The following DACH2 variants were observed in gnomAD, a reference collection of about 807,000 sequenced individuals.
DACH2 encodes the protein dachshund homolog 2.
A neutral mutation model predicts 35.8 loss-of-function variants in DACH2; 17 were observed. The ratio of observed to expected loss-of-function variants is 0.48; its 90% CI spans 0.33 to 0.71. The LOEUF (loss-of-function observed/expected upper bound fraction) is 0.71. Ranked by LOEUF, DACH2 falls within the 30% of genes least tolerant of loss-of-function variation. The pLI, the probability that DACH2 is intolerant of heterozygous loss-of-function variation, is 0.02. For synonymous variants in DACH2, 195 were observed against 177.3 expected (o/e 1.10, Z -0.79); for missense variants, 469 against 472.7 (o/e 0.99, Z 0.07).
intron 7 of DACH2, among the ~76,000 whole-genome samples, chrX:86,754,604 G>A (rs1243855683): frequency 9.0e-6 from 1 of 110,575 alleles, no homozygotes; most frequent in Non-Finnish European, 1.9e-5. Flanking sequence ...TCAGCTTCTG[G>A]TATCCATCAT....
At chrX:86,379,077 T>A (rs1190417766) in intron 2 of DACH2, among the ~76,000 whole-genome samples, 1 of 111,462 alleles carries the variant, frequency 9.0e-6, no homozygotes, top group Non-Finnish European at 1.9e-5. Flanking sequence ...GGTTTCTATT[T>A]AAAGTCCAAT....
At chrX:86,524,636 A>G (rs1473118827) in intron 3 of DACH2, among the ~76,000 whole-genome samples, 1 of 111,872 alleles carries the variant, frequency 8.9e-6, no homozygotes, top group African/African-American at 3.2e-5. Context: ...AGTTTCCCAA[A>G]CACAAATTTT....
intron 4 of DACH2, among the ~76,000 whole-genome samples, chrX:86,658,551 A>C (rs1274440357): frequency 9.0e-6 from 1 of 111,631 alleles, no homozygotes; most frequent in African/African-American, 3.2e-5. Flanking sequence ...TTCAGCATGA[A>C]TAACAACGTG....
intron 3 of DACH2, among the ~76,000 whole-genome samples, chrX:86,592,054 T>A: frequency 9.0e-6 from 1 of 111,338 alleles, no homozygotes; most frequent in Non-Finnish European, 1.9e-5. Flanking sequence ...TTTTTTTTAT[T>A]TTATCGATTG....
chrX:86,748,547 G>C lies in DACH2; in HGVS notation c.1240+8665G>C, dbSNP rs183034080. ...AGGAATCTTTTCTTTTTGAGCCATAGGTCTCAATAGTGGGCTTAAAATGTT... is the reference window on the plus strand; with the variant it reads ...AGGAATCTTTTCTTTTTGAGCCATACGTCTCAATAGTGGGCTTAAAATGTT... On this transcript the variant is annotated intron_variant, in intron 7 of 11. Transcript: ENST00000373125. 3.6e-5 allele frequency among the ~76,000 whole-genome samples: 4 copies of C among 111,748 alleles called. No individual in the cohort carries two copies. In the Admixed American group the frequency reaches 3.8e-4, roughly 11 times the overall value.
At chrX:86,753,061 C>A (rs2041791349) in intron 7 of DACH2, among the ~76,000 whole-genome samples, 1 of 41,707 alleles carries the variant, frequency 2.4e-5, no homozygotes, top group Non-Finnish European at 4.9e-5. Flanking sequence ...AAAGTACACA[C>A]ACACACACAC....
At chrX:86,157,239 T>G (rs1286894003) in intron 1 of DACH2, among the ~76,000 whole-genome samples, 1 of 111,751 alleles carries the variant, frequency 8.9e-6, no homozygotes, top group African/African-American at 3.2e-5. Context: ...TGGTGTGTAA[T>G]GTAGTGTGTA....
intron 1 of DACH2, among the ~76,000 whole-genome samples, chrX:86,285,275 A>G (rs2034121442): frequency 9.0e-6 from 1 of 111,397 alleles, no homozygotes; most frequent in Admixed American, 9.6e-5. Context: ...CAGATTGTTT[A>G]TTTGAAGTTT....
intron 1 of DACH2, among the ~76,000 whole-genome samples, chrX:86,291,623 G>T (rs1188966442): frequency 2.8e-5 from 3 of 108,876 alleles, no homozygotes; most frequent in Non-Finnish European, 5.7e-5. Flanking sequence ...TATTGAGAGT[G>T]TTTAGCATGA....
intron 1 of DACH2, among the ~76,000 whole-genome samples, chrX:86,239,412 T>C (rs1448610252): frequency 8.9e-6 from 1 of 111,997 alleles, no homozygotes; most frequent in Non-Finnish European, 1.9e-5. Flanking sequence ...TATGTATTTG[T>C]TTGCCTATTA....
At chrX:86,782,406 G>A in intron 7 of DACH2, among the ~76,000 whole-genome samples, 1 of 111,555 alleles carries the variant, frequency 9.0e-6, no homozygotes. Context: ...CTCTCTTTAA[G>A]TTACTTTAAA....
At chrX:86,785,239 C>T (rs963144792) in intron 7 of DACH2, among the ~76,000 whole-genome samples, 1 of 111,439 alleles carries the variant, frequency 9.0e-6, no homozygotes, top group Non-Finnish European at 1.9e-5. Context: ...GAAGATGTTG[C>T]GTAAGCAGTG....
chrX:86,802,700 C>T (rs985377472), intron 7 of DACH2, among the ~76,000 whole-genome samples: 6 of 110,724 alleles, frequency 5.4e-5, no homozygotes, highest in Non-Finnish European at 7.6e-5. Flanking sequence ...TGACTTGACA[C>T]GTCAGGTTGA....
intron 4 of DACH2, among the ~76,000 whole-genome samples, chrX:86,661,727 T>C (rs1298504707): frequency 8.9e-6 from 1 of 112,350 alleles, no homozygotes; most frequent in East Asian, 2.8e-4. Context: ...GGTAAAATGA[T>C]AACTCTGTTG....
intron 3 of DACH2, among the ~76,000 whole-genome samples, chrX:86,600,425 C>G (rs1365865764): frequency 9.0e-6 from 1 of 111,373 alleles, no homozygotes; most frequent in African/African-American, 3.3e-5. Flanking sequence ...CAGAATATTC[C>G]CTGTGCAGAA....
intron 1 of DACH2, among the ~76,000 whole-genome samples, chrX:86,266,663 G>A (rs2033718751): frequency 9.0e-6 from 1 of 111,235 alleles, no homozygotes; most frequent in Non-Finnish European, 1.9e-5. Context: ...TATTACCTTT[G>A]CAATTGACTA....
At chrX:86,469,434 T>C (rs2037727595) in intron 2 of DACH2, among the ~76,000 whole-genome samples, 1 of 111,241 alleles carries the variant, frequency 9.0e-6, no homozygotes, top group Non-Finnish European at 1.9e-5. Flanking sequence ...ATTTAAAATA[T>C]TACATTGTAT....
chrX:86,709,239 T>C (rs1283102792), intron 5 of DACH2, among the ~76,000 whole-genome samples: 3 of 111,389 alleles, frequency 2.7e-5, no homozygotes, highest in Non-Finnish European at 5.7e-5. Context: ...ATAGAGAGCC[T>C]AGAAATAGAT....
At chrX:86,632,929 C>T (rs2040218769) in intron 3 of DACH2, among the ~76,000 whole-genome samples, 1 of 110,123 alleles carries the variant, frequency 9.1e-6, no homozygotes, top group Admixed American at 9.7e-5. Flanking sequence ...CTATAGGATA[C>T]AGCAAAGGCA....
Sources: allele counts gnomAD v4.1 joint callset (sites outside exome capture counted in the v4.1 genomes callset), GRCh38; gene constraint gnomAD v4.1.1; transcripts MANE v1.5; gene names NCBI Gene and HGNC (gene_info 2026-07-23, HGNC 2026-07-21).